Variants in CNTNAP5 observed in about 807,000 individuals in gnomAD.
CNTNAP5 encodes contactin-associated protein-like 5.
CNTNAP5 carries 72 observed loss-of-function variants against 150.2 expected under a neutral mutation model. The ratio of observed to expected loss-of-function variants is 0.48; its 90% CI spans 0.40 to 0.58. The LOEUF (loss-of-function observed/expected upper bound fraction) is 0.58. Ranked by LOEUF, CNTNAP5 falls within the 20% of genes least tolerant of loss-of-function variation. The pLI is 0.00. For missense variants in CNTNAP5, 1,636 were observed against 1,626.2 expected (o/e 1.01, Z -0.10); for synonymous variants, 672 against 619.8 (o/e 1.08, Z -1.25).
At chr2:124,903,655 A>C (rs74525102) in intron 22 of CNTNAP5, among the ~76,000 whole-genome samples, 2,392 of 152,300 alleles carry the variant, frequency 0.016, 33 homozygotes, top group Non-Finnish European at 0.019. Context: ...GAGTGTGTGT[A>C]TGTGCATGCA....
At chr2:124,747,889 G>A (rs949528299) in intron 14 of CNTNAP5, among the ~76,000 whole-genome samples, 27 of 145,658 alleles carry the variant, frequency 1.9e-4, no homozygotes, top group East Asian at 6.2e-4. Context: ...CACCTGCCTC[G>A]GCTTCCCAAA....
intron 1 of CNTNAP5, among the ~76,000 whole-genome samples, chr2:124,145,811 T>TAAAAAAAAAAAAAAAAAAAAAAAAAAAA (rs761766577): frequency 8.6e-4 from 11 of 12,782 alleles, no homozygotes; most frequent in South Asian, 1.9e-3. Flanking sequence ...AAAAAAAACA[T>TAAAAAAAAAAAAAAAAAAAAAAAAAAAA]TAAAAAAAAA....
At chr2:124,117,313 T>C (rs533422625) in intron 1 of CNTNAP5, among the ~76,000 whole-genome samples, 2 of 152,316 alleles carry the variant, frequency 1.3e-5, no homozygotes, top group African/African-American at 4.8e-5. Flanking sequence ...ATATTATATA[T>C]CTTACTTGAT....
At chr2:124,250,940 G>A (rs1264688730) in intron 3 of CNTNAP5, among the ~76,000 whole-genome samples, 1 of 151,982 alleles carries the variant, frequency 6.6e-6, no homozygotes, top group Non-Finnish European at 1.5e-5. Flanking sequence ...CAGTTTTGTG[G>A]GCCTTAATGT....
chr2:124,375,872 C>T (rs1404078965), intron 3 of CNTNAP5, among the ~76,000 whole-genome samples: 2 of 151,986 alleles, frequency 1.3e-5, no homozygotes, highest in African/African-American at 4.8e-5. Flanking sequence ...TACATAGTAA[C>T]ACTGTTAAAC....
intron 14 of CNTNAP5, 40 bp downstream of exon 14, chr2:124,747,425 C>T: frequency 6.2e-7 from 1 of 1,608,372 alleles, no homozygotes; most frequent in South Asian, 1.1e-5. Flanking sequence ...GTAGAGAAAG[C>T]ACATTAATTG....
intron 1 of CNTNAP5, among the ~76,000 whole-genome samples, chr2:124,154,798 C>T (rs1684485330): frequency 6.6e-6 from 1 of 152,110 alleles, no homozygotes; most frequent in Admixed American, 6.5e-5. Context: ...GGGTTCTTCT[C>T]CTGGGTTTTT....
chr2:124,651,645 C>T (rs564644074), intron 13 of CNTNAP5, among the ~76,000 whole-genome samples: 4 of 152,272 alleles, frequency 2.6e-5, no homozygotes, highest in African/African-American at 7.2e-5. Context: ...ATCACAAAAG[C>T]GGCCAAGAGC....
intron 3 of CNTNAP5, among the ~76,000 whole-genome samples, chr2:124,317,328 T>C (rs534568004): frequency 1.1e-4 from 17 of 152,266 alleles, no homozygotes; most frequent in South Asian, 2.1e-4. Context: ...ATGTTACCAA[T>C]ACAAAAACTA....
rs201805231 is a variant in CNTNAP5, at chr2:124,620,248, T to G, written c.1876+10328T>G. ...TGAAGACTAATTTCTATCTTTCCCG[T>G]TTTTTTCTTTCCTGTTTCCATAATC... On this transcript the variant is annotated intron_variant, in intron 12 of 23. Coordinates refer to ENST00000682447, the MANE Select transcript of CNTNAP5 (RefSeq NM_001367498.1). 1.5e-3 allele frequency among the ~76,000 whole-genome samples: 223 copies of G among 152,184 alleles called. 2 individuals carry two copies. Among genetic ancestry groups the G allele is most frequent in the Non-Finnish European group, 2.6e-3 (174 of 68,008 alleles).
At chr2:124,610,954 CAAAA>C (rs57941026) in intron 12 of CNTNAP5, among the ~76,000 whole-genome samples, 6 of 141,266 alleles carry the variant, frequency 4.2e-5, no homozygotes, top group Admixed American at 7.0e-5. Flanking sequence ...GACACCGTCT[CAAAA>C]AAAAAAAAAA....
chr2:124,117,029 C>T (rs546008176), intron 1 of CNTNAP5, among the ~76,000 whole-genome samples: 1 of 152,338 alleles, frequency 6.6e-6, no homozygotes, highest in South Asian at 2.1e-4. Flanking sequence ...AAATGTGAGA[C>T]AGCACTGAAA....
At chr2:124,271,686 TATCTATCTATCTATC>T (rs1319707320) in intron 3 of CNTNAP5, among the ~76,000 whole-genome samples, 1 of 119,218 alleles carries the variant, frequency 8.4e-6, no homozygotes, top group Non-Finnish European at 1.9e-5. Flanking sequence ...TCTATCTATC[TATCTATCTATCTATC>T]ATCTATCTAT....
chr2:124,207,528 AT>A (rs1685892157), intron 1 of CNTNAP5, among the ~76,000 whole-genome samples: 1 of 152,208 alleles, frequency 6.6e-6, no homozygotes, highest in African/African-American at 2.4e-5. Flanking sequence ...ATGACTACTC[AT>A]GTTTTGCAAT....
intron 1 of CNTNAP5, among the ~76,000 whole-genome samples, chr2:124,131,218 TA>T (rs1420756835): frequency 6.6e-6 from 1 of 152,158 alleles, no homozygotes; most frequent in Non-Finnish European, 1.5e-5. Flanking sequence ...TTCTGATTTA[TA>T]AATTTTAGTG....
At chr2:124,127,033 CA>C (rs1683721959) in intron 1 of CNTNAP5, among the ~76,000 whole-genome samples, 1 of 152,116 alleles carries the variant, frequency 6.6e-6, no homozygotes, top group Non-Finnish European at 1.5e-5. Flanking sequence ...CACTCTTATT[CA>C]ACATACTGTT....
intron 13 of CNTNAP5, among the ~76,000 whole-genome samples, chr2:124,689,732 TC>T (rs1679263384): frequency 6.6e-6 from 1 of 151,912 alleles, no homozygotes; most frequent in African/African-American, 2.4e-5. Flanking sequence ...GCAGCATAGG[TC>T]AAAAAACACT....
intron 8 of CNTNAP5, among the ~76,000 whole-genome samples, chr2:124,505,880 A>G (rs997456051): frequency 6.6e-6 from 1 of 152,242 alleles, no homozygotes; most frequent in African/African-American, 2.4e-5. Context: ...CAATCTGAAT[A>G]AAAACCTCCC....
chr2:124,689,053 C>A (rs1194258345), intron 13 of CNTNAP5, among the ~76,000 whole-genome samples: 1 of 152,004 alleles, frequency 6.6e-6, no homozygotes, highest in Non-Finnish European at 1.5e-5. Context: ...ACACAACAAC[C>A]CCTGCCATTC....
Sources: allele counts gnomAD v4.1 joint callset (sites outside exome capture counted in the v4.1 genomes callset), GRCh38; gene constraint gnomAD v4.1.1; transcripts MANE v1.5; gene names NCBI Gene and HGNC (gene_info 2026-07-23, HGNC 2026-07-21).